Variants in CTNNA2 observed in about 807,000 individuals in gnomAD.
CTNNA2 encodes the protein catenin alpha 2.
In CTNNA2, 42 loss-of-function variants were observed where a neutral mutation model predicts 101.0. The ratio of observed to expected loss-of-function variants is 0.42; its 90% CI spans 0.32 to 0.54. The LOEUF is 0.54. CTNNA2 is among the 20% of genes least tolerant of loss of function. The probability of loss-of-function intolerance (pLI) is 0.14; values close to 1 mark genes in which losing one functional copy is unlikely to be tolerated. For missense variants in CTNNA2, 871 were observed against 1,223.1 expected, an observed-to-expected ratio of 0.71 and a Z score of 4.29; for synonymous variants, 450 against 456.4, an observed-to-expected ratio of 0.99 and a Z score of 0.18.
At chr2:80,129,288 C>T (rs776232644) in intron 7 of CTNNA2, among the ~76,000 whole-genome samples, 15 of 152,260 alleles carry the variant, frequency 9.9e-5, no homozygotes, top group African/African-American at 2.2e-4. Flanking sequence ...ACAGGGGTCC[C>T]GCATTAAGCA....
At chr2:79,598,923 T>G (rs1677371923) in intron 1 of CTNNA2, among the ~76,000 whole-genome samples, 1 of 152,214 alleles carries the variant, frequency 6.6e-6, no homozygotes, top group Non-Finnish European at 1.5e-5. Flanking sequence ...TTTTAGAAGT[T>G]TTATAGTTTT....
chr2:79,278,711 A>AT (rs1273932312), intron 2 of CTNNA2, among the ~76,000 whole-genome samples: 5 of 152,162 alleles, frequency 3.3e-5, no homozygotes, highest in Non-Finnish European at 1.5e-5. Context: ...CTCCAGGCTA[A>AT]TTGCCTAGAC....
rs748410889 is a variant in CTNNA2 at position 80,546,001 on chromosome 2, T to C, written c.1478T>C (p.Val493Ala). The C allele has an allele frequency of 6.2e-7, 1 of 1,614,104 alleles. No individual in the cohort carries two copies. The highest frequency in any genetic ancestry group is 1.1e-5 in the South Asian group (1 of 91,080). The change falls in exon 11 of 19, where the codon GTC (valine) becomes GCC (alanine). Residue 493 changes from valine (V) to alanine (A), a missense_variant. By Grantham distance (64) the Val-to-Ala change is moderately conservative. Around this residue, in one of 5 missense-constraint regions of CTNNA2, gnomAD observed 647 missense variants for 831.5 expected, o/e 0.78. Coordinates refer to ENST00000402739, the MANE Select transcript of CTNNA2 (RefSeq NM_001282597.3). ...TTCAAAGACCAGTGGGAGAAGCAGG[T>C]CCGAGTGTTGACAGAGGCCGTGGAT... ...DVFKDQWEKQ[V>A]RVLTEAVDDI...
At chr2:80,511,300 C>T (rs1347931516) in intron 9 of CTNNA2, among the ~76,000 whole-genome samples, 2 of 152,154 alleles carry the variant, frequency 1.3e-5, no homozygotes, top group Non-Finnish European at 2.9e-5. Context: ...TAATTTTTAC[C>T]TTGTCTATCA....
chr2:79,211,782 AAAAAT>A (rs1488244794), intron 2 of CTNNA2, among the ~76,000 whole-genome samples: 1 of 152,198 alleles, frequency 6.6e-6, no homozygotes. Flanking sequence ...TATTAATAAG[AAAAAT>A]AAAATGAAAT....
chr2:79,903,146 T>G (rs1303425134), intron 6 of CTNNA2, among the ~76,000 whole-genome samples: 1 of 152,220 alleles, frequency 6.6e-6, no homozygotes, highest in East Asian at 1.9e-4. Context: ...GTGTTGTTAG[T>G]GTTAGAGGTC....
chr2:80,252,917 G>A (rs1364465793), intron 7 of CTNNA2, among the ~76,000 whole-genome samples: 3 of 152,092 alleles, frequency 2.0e-5, no homozygotes, highest in African/African-American at 7.2e-5. Flanking sequence ...TCATTTATCA[G>A]GTTCTTGGGA....
chr2:79,541,208 G>GTATA (rs10541673), intron 1 of CTNNA2, among the ~76,000 whole-genome samples: 2 of 149,100 alleles, frequency 1.3e-5, no homozygotes, highest in South Asian at 4.2e-4. Flanking sequence ...GAGTTTGTGT[G>GTATA]TATATATATA....
At chr2:79,220,988 T>G (rs775790488) in intron 2 of CTNNA2, among the ~76,000 whole-genome samples, 2 of 152,200 alleles carry the variant, frequency 1.3e-5, no homozygotes, top group Non-Finnish European at 2.9e-5. Flanking sequence ...AAATGCTGCT[T>G]CAGTGTGTTG....
chr2:79,507,546 A>C (rs1289402614), intron 5 of CTNNA2, among the ~76,000 whole-genome samples: 1 of 152,162 alleles, frequency 6.6e-6, no homozygotes, highest in Non-Finnish European at 1.5e-5. Flanking sequence ...TGGACTTCCC[A>C]TCTTACAGAA....
At chr2:79,225,249 T>A (rs1256621829) in intron 2 of CTNNA2, among the ~76,000 whole-genome samples, 1 of 152,208 alleles carries the variant, frequency 6.6e-6, no homozygotes, top group Non-Finnish European at 1.5e-5. Flanking sequence ...GCAGTCGCAC[T>A]GACAATATGT....
chr2:79,949,744 C>G (rs1472070501), intron 7 of CTNNA2, among the ~76,000 whole-genome samples: 1 of 152,100 alleles, frequency 6.6e-6, no homozygotes, highest in Non-Finnish European at 1.5e-5. Context: ...CACCACTGCC[C>G]TCCAGCCTGG....
chr2:80,018,022 A>C (rs1694274398), intron 7 of CTNNA2, among the ~76,000 whole-genome samples: 1 of 152,218 alleles, frequency 6.6e-6, no homozygotes, highest in Admixed American at 6.5e-5. Flanking sequence ...TATAAAATTT[A>C]AGCAATTGTT....
chr2:79,991,036 T>G (rs1670925440), intron 7 of CTNNA2, among the ~76,000 whole-genome samples: 3 of 152,246 alleles, frequency 2.0e-5, no homozygotes, highest in African/African-American at 4.8e-5. Context: ...TATCCATTTC[T>G]TCTAGACTTT....
intron 2 of CTNNA2, among the ~76,000 whole-genome samples, chr2:79,692,065 C>A (rs558961656): frequency 2.2e-4 from 33 of 152,240 alleles, no homozygotes; most frequent in Non-Finnish European, 4.1e-4. Context: ...GCAAAAGAAA[C>A]TATCACCAGA....
At chr2:79,787,290 C>T (rs544359900) in intron 3 of CTNNA2, among the ~76,000 whole-genome samples, 55 of 152,102 alleles carry the variant, frequency 3.6e-4, no homozygotes, top group African/African-American at 1.2e-3. Context: ...CATAAAAAAT[C>T]GAGACCATAT....
chr2:79,673,117 T>C (rs927470297), intron 2 of CTNNA2, among the ~76,000 whole-genome samples: 8 of 152,232 alleles, frequency 5.3e-5, no homozygotes, highest in Non-Finnish European at 1.2e-4. Flanking sequence ...TTGAATGTTA[T>C]TATATTGTGT....
rs141931134 is a variant in CTNNA2, at chr2:80,577,142, A to G, written c.1893+2828A>G. Among the ~76,000 whole-genome samples the G allele has an allele frequency of 3.2e-3, 483 of 152,276 alleles. 2 individuals are homozygous for G. Among genetic ancestry groups the G allele is most frequent in the African/African-American group, 0.011 (477 of 41,570 alleles). On this transcript the variant is annotated intron_variant, in intron 13 of 18. Transcript: ENST00000402739. ...TGCTGAAAGCTTATTAGATGTCCAA[A>G]CTTTTGGAGTTGCCCTGAATACAGG...
intron 7 of CTNNA2, among the ~76,000 whole-genome samples, chr2:80,283,451 T>TA (rs1245729498): frequency 1.3e-5 from 2 of 152,134 alleles, no homozygotes; most frequent in African/African-American, 4.8e-5. Flanking sequence ...AATATAAATT[T>TA]AAAAAATAAT....
Sources: gnomAD v4.1 joint callset for allele counts (sites outside exome capture counted in the v4.1 genomes callset) on GRCh38, gnomAD v4.1.1 for gene constraint, gnomAD v4.1.1 regional missense constraint, MANE v1.5 for transcripts, NCBI Gene and HGNC (gene_info 2026-07-23, HGNC 2026-07-21) for gene names.